Variants in ACTN1 observed in about 807,000 individuals in gnomAD.
ACTN1 encodes actinin alpha 1, also known as alpha-actinin-1.
Under a neutral mutation model 119.6 loss-of-function variants are expected in ACTN1, and 30 were observed. The observed-to-expected ratio is 0.25, with a 90% CI of 0.19 to 0.34. The LOEUF is 0.34. Ranked by LOEUF, ACTN1 falls within the 10% of genes least tolerant of loss-of-function variation. The pLI, the probability that ACTN1 is intolerant of heterozygous loss-of-function variation, is 1.00. For missense variants in ACTN1, 764 were observed against 1,223.4 expected (o/e 0.62, Z 5.60); for synonymous variants, 429 against 472.6 (o/e 0.91, Z 1.20).
At chr14:68,977,720 G>C (rs2037107341) in intron 1 of ACTN1, 1 of 316,214 alleles carries the variant, frequency 3.2e-6, no homozygotes, top group Admixed American at 4.5e-5. Context: ...AAAAGGGAAT[G>C]AATGTTACCA....
intron 1 of ACTN1, among the ~76,000 whole-genome samples, chr14:68,931,305 C>A (rs546924205): frequency 6.6e-6 from 1 of 152,308 alleles, no homozygotes; most frequent in South Asian, 2.1e-4. Context: ...AGATGGGCAG[C>A]CCCTCTGGGG....
chr14:68,876,689 C>G lies in ACTN1; in HGVS notation c.2586+393G>C, dbSNP rs117585062. ...AGACATGCTTCCTTCCTGGGTCCCA[C>G]AGTCCCTCTTCCTGCTCCCATTATA... On this transcript the variant is annotated intron_variant, in intron 21 of 21. Transcript: ENST00000394419. Among the ~76,000 whole-genome samples, 1,372 of 152,316 alleles carry G rather than the reference C, an allele frequency of 9.0e-3. 8 individuals carry two copies. Among genetic ancestry groups the G allele is most frequent in the Admixed American group, 0.014 (221 of 15,306 alleles).
At chr14:68,884,023 CA>C in intron 14 of ACTN1, 144 bp downstream of exon 14, 1 of 883,850 alleles carries the variant, frequency 1.1e-6, no homozygotes, top group Non-Finnish European at 1.6e-6. Flanking sequence ...ATTATCTTGT[CA>C]AAATAAGTCA....
At chr14:68,890,105 C>A in intron 11 of ACTN1, 34 bp downstream of exon 11, 2 of 1,607,158 alleles carry the variant, frequency 1.2e-6, no homozygotes, top group Non-Finnish European at 1.7e-6. Context: ...GAAGTGAAGC[C>A]CTGGGGGGAG....
chr14:68,895,843 T>C (rs544932334), intron 8 of ACTN1, among the ~76,000 whole-genome samples: 1 of 152,070 alleles, frequency 6.6e-6, no homozygotes, highest in Non-Finnish European at 1.5e-5. Context: ...GCCTCGCCCA[T>C]CCCCAAGAGC....
chr14:68,874,934 G>A lies in ACTN1; in HGVS notation c.2670C>T (p.Thr890=), dbSNP rs763066535. The A allele has an allele frequency of 3.8e-5, 62 of 1,612,420 alleles. 1 individual carries two copies. Among genetic ancestry groups the A allele is most frequent in the South Asian group, 1.3e-4 (12 of 91,062 alleles). ...EYCIARMAPY[T]GPDSVPGALD... is the part of the protein sequence containing the mutation. ...GAGCACCTGGCACGGAGTCGGGGCCGGTGTAGGGGGCCATCCGCGCGATGC... is the reference window on the plus strand; with the variant it reads ...GAGCACCTGGCACGGAGTCGGGGCCAGTGTAGGGGGCCATCCGCGCGATGC... The change falls in exon 22 of 22, where the codon ACC becomes ACT. Residue 890 remains threonine, a synonymous_variant. Transcript: ENST00000394419.
chr14:68,934,639 AG>A (rs2140450047), intron 1 of ACTN1, among the ~76,000 whole-genome samples: 2 of 152,358 alleles, frequency 1.3e-5, no homozygotes, highest in Admixed American at 1.3e-4. Context: ...TATAAAGCAA[AG>A]GCTGTAAGCA....
chr14:68,901,249 G>GT (rs564351239), intron 8 of ACTN1, among the ~76,000 whole-genome samples: 19,283 of 103,394 alleles, frequency 0.19, 2,219 homozygotes, highest in African/African-American at 0.24. Flanking sequence ...TTTTTGTTTT[G>GT]TTTTTTTTTT....
chr14:68,907,259 T>TAAA (rs775481921), intron 6 of ACTN1, among the ~76,000 whole-genome samples: 26 of 72,988 alleles, frequency 3.6e-4, no homozygotes, highest in African/African-American at 1.2e-3. Context: ...AAGACTCTCT[T>TAAA]AAAAAAAAAA....
intron 6 of ACTN1, among the ~76,000 whole-genome samples, chr14:68,905,155 G>A (rs1363774257): frequency 6.6e-6 from 1 of 152,172 alleles, no homozygotes; most frequent in Non-Finnish European, 1.5e-5. Flanking sequence ...AAGAGTTGGG[G>A]TAGGGAGCTC....
At chr14:68,940,241 C>G (rs2035719185) in intron 1 of ACTN1, among the ~76,000 whole-genome samples, 1 of 152,184 alleles carries the variant, frequency 6.6e-6, no homozygotes, top group African/African-American at 2.4e-5. Flanking sequence ...GAAAAGCCAC[C>G]AAAAGTGAGG....
At chr14:68,921,245 GCA>G (rs763583429) in intron 2 of ACTN1, 120 bp from the exon 3 acceptor site, 29 of 1,311,828 alleles carry the variant, frequency 2.2e-5, no homozygotes, top group African/African-American at 3.0e-5. Flanking sequence ...GTGCATGTGT[GCA>G]CGTGTGTGTG....
intron 1 of ACTN1, among the ~76,000 whole-genome samples, chr14:68,962,242 G>A (rs189597575): frequency 3.9e-5 from 6 of 152,302 alleles, no homozygotes; most frequent in Admixed American, 6.5e-5. Context: ...AGGGGGTAGA[G>A]GCAGGGTCCA....
Position 68,879,931 on chromosome 14 carries a change from G to A in ACTN1, c.2280+31C>T, listed in dbSNP as rs763964223. On this transcript the variant is annotated intron_variant, in intron 18 of 21. Transcript: ENST00000394419. The surrounding 1 kb of genome is among the most constrained non-coding windows in gnomAD (Gnocchi z 4.9). ...GGCCCTGGGGCAGGGGTTGGGGGCT[G>A]CACTAAGAAAGCACAGGATGGGGCT... 6.2e-7 allele frequency: 1 copy of A among 1,610,246 alleles called. No homozygotes were observed. The highest frequency in any genetic ancestry group is 8.5e-7 in the Non-Finnish European group (1 of 1,177,064).
intron 1 of ACTN1, among the ~76,000 whole-genome samples, chr14:68,939,659 G>A (rs1430329591): frequency 6.6e-6 from 1 of 152,084 alleles, no homozygotes; most frequent in Non-Finnish European, 1.5e-5. Flanking sequence ...GATAGCTAAG[G>A]GGTACAGAAT....
chr14:68,963,441 T>C lies in ACTN1; in HGVS notation c.105+15511A>G, dbSNP rs183295040. On this transcript the variant is annotated intron_variant, in intron 1 of 21. Coordinates refer to ENST00000394419, the MANE Select transcript of ACTN1 (RefSeq NM_001130004.2). ...TTATGATTCTCAATGCTTTTTCTTA[T>C]GTTTGAAATGTCAACTTTAAAAAAA... Among the ~76,000 whole-genome samples, 9 of 152,370 alleles carry C rather than the reference T, an allele frequency of 5.9e-5. No individual in the cohort carries two copies. In the East Asian group the frequency reaches 1.5e-3, roughly 26 times the overall value.
Position 68,882,079 on chromosome 14 carries a change from G to A in ACTN1, c.1953+379C>T, listed in dbSNP as rs1649344197. Among the ~76,000 whole-genome samples, 1 of 151,866 alleles carries A rather than the reference G, an allele frequency of 6.6e-6. No individual in the cohort carries two copies. Among genetic ancestry groups the A allele is most frequent in the Admixed American group, 6.6e-5 (1 of 15,230 alleles). ...GGCTCCCAAGTAGCTGGGATTATAG[G>A]CACGCATCATCACACCCGGCTGATT... is the stretch of plus-strand genomic sequence containing the variant. On this transcript the variant is annotated intron_variant, in intron 16 of 21. Coordinates refer to ENST00000394419, the MANE Select transcript of ACTN1 (RefSeq NM_001130004.2). This position sits in a 1 kb window ranked among gnomAD's most constrained non-coding sequence, Gnocchi z 4.5.
At chr14:68,919,022 G>C (rs1430071175) in intron 3 of ACTN1, among the ~76,000 whole-genome samples, 1 of 152,202 alleles carries the variant, frequency 6.6e-6, no homozygotes, top group Non-Finnish European at 1.5e-5. Flanking sequence ...AAAGCACCCT[G>C]TCTAGCAACA....
intron 6 of ACTN1, among the ~76,000 whole-genome samples, chr14:68,906,001 A>C (rs2033645973): frequency 7.0e-6 from 1 of 141,944 alleles, no homozygotes; most frequent in South Asian, 2.2e-4. Context: ...AAAAAAAAAC[A>C]GCAAACACCA....
Sources: gnomAD v4.1 joint callset for allele counts (sites outside exome capture counted in the v4.1 genomes callset) on GRCh38, gnomAD v4.1.1 for gene constraint, Gnocchi (gnomAD v3.1) non-coding constraint, MANE v1.5 for transcripts, NCBI Gene and HGNC (gene_info 2026-07-23, HGNC 2026-07-21) for gene names.